The following EGR3 variants were observed in gnomAD, a reference collection of about 807,000 sequenced individuals.
The protein encoded by EGR3 is early growth response protein 3.
In EGR3, 4 loss-of-function variants were observed where a neutral mutation model predicts 22.4. The ratio of observed to expected loss-of-function variants is 0.18; its 90% CI spans 0.09 to 0.41. The LOEUF (loss-of-function observed/expected upper bound fraction) is 0.41. Among genes scored for constraint, EGR3 ranks in the 10% least tolerant of loss-of-function variants. EGR3 has a pLI of 1.00. For missense variants in EGR3, 315 were observed against 541.3 expected, an observed-to-expected ratio of 0.58 and a Z score of 4.15; for synonymous variants, 219 against 226.8, an observed-to-expected ratio of 0.97 and a Z score of 0.31.
rs1803926245 is a variant in EGR3 at position 22,690,824 on chromosome 8, G to C, written c.813C>G (p.His271Gln). 1.2e-6 allele frequency: 2 copies of C among 1,610,788 alleles called. No individual in the cohort carries two copies. The highest frequency in any genetic ancestry group is 1.7e-6 in the Non-Finnish European group (2 of 1,177,610). Residue 271 changes from histidine to glutamine, a missense_variant, in exon 2 of 2, where the codon CAC (histidine) becomes CAG (glutamine). By Grantham distance (24) the His-to-Gln change is conservative. Coordinates refer to ENST00000317216, the MANE Select transcript of EGR3 (RefSeq NM_004430.3). ...CGGCCGGGCACGCGTGGGGCCGTTC[G>C]TGGAGCGGTGTCTTGCTAGGCCGGT... ...YPNRPSKTPL[H>Q]ERPHACPAEG...
Position 22,690,332 on chromosome 8 carries a change from C to A in EGR3, c.*141G>T. Reference sequence around the variant, plus strand: ...GTGAAAGGTTGGGAACCGGGGGCATCGAAGGGGAAGCAAGGGGCCGCACGT... The same window carrying A: ...GTGAAAGGTTGGGAACCGGGGGCATAGAAGGGGAAGCAAGGGGCCGCACGT... On this transcript the variant is annotated 3_prime_UTR_variant, in exon 2 of 2. Coordinates refer to ENST00000317216, the MANE Select transcript of EGR3 (RefSeq NM_004430.3). The A allele has an allele frequency of 1.4e-6, 1 of 714,562 alleles. No individual in the cohort carries two copies. Among genetic ancestry groups the A allele is most frequent in the Non-Finnish European group, 2.3e-6 (1 of 442,776 alleles). The allele number at this position is 714,562 out of a possible 1,614,324, so 44.3% of individuals were successfully genotyped here. A position where few individuals can be genotyped will look rare whatever the true frequency, so the allele number is the denominator to read the frequency against.
Position 22,690,534 on chromosome 8 carries a change from G to T in EGR3, c.1103C>A (p.Ala368Glu). 1 of 1,613,310 alleles carries T rather than the reference G, an allele frequency of 6.2e-7. No homozygotes were observed. The highest frequency in any genetic ancestry group is 2.2e-5 in the East Asian group (1 of 44,882). ...GGGGGGCGCCGAGGATGCAGAGGGT[G>T]CACCGCCCTTCTCCGCCTTCTTCTC... ...QKEKKAEKGG[A>E]PSASSAPPVS... The change falls in exon 2 of 2, where the codon GCA becomes GAA. Residue 368 changes from alanine to glutamate, a missense_variant. Ala to Glu is a moderately radical substitution (Grantham distance 107). Coordinates refer to ENST00000317216, the MANE Select transcript of EGR3 (RefSeq NM_004430.3).
chr8:22,692,470 G>C lies in EGR3; in HGVS notation c.154+321C>G. ...GGCGATCGGGCCCCCTGCGTGGTGAGGGAGAACCCCAGAGCCGCTCGCACC... is the reference window on the plus strand; with the variant it reads ...GGCGATCGGGCCCCCTGCGTGGTGACGGAGAACCCCAGAGCCGCTCGCACC... On this transcript the variant is annotated intron_variant, in intron 1 of 1. Coordinates refer to ENST00000317216, the MANE Select transcript of EGR3 (RefSeq NM_004430.3). The surrounding 1 kb of genome is among the most constrained non-coding windows in gnomAD (Gnocchi z 6.2). The C allele has an allele frequency of 7.0e-7, 1 of 1,424,942 alleles. No individual in the cohort carries two copies. The highest frequency in any genetic ancestry group is 1.5e-5 in the South Asian group (1 of 66,654). The allele number at this position is 1,424,942 out of a possible 1,614,324, so 88.3% of individuals were successfully genotyped here.
chr8:22,692,914 C>T lies in EGR3; in HGVS notation c.31G>A (p.Val11Met), dbSNP rs748380866. 4.3e-6 allele frequency: 7 copies of T among 1,612,936 alleles called. No homozygotes were observed. The South Asian group carries it at 6.6e-5, about 15-fold the overall frequency. ...TGGTTTAGCAAACTGCTCATGGTCACCGGCAGCTTCTCGGCGAGTTTGCCG... is the reference window on the plus strand; with the variant it reads ...TGGTTTAGCAAACTGCTCATGGTCATCGGCAGCTTCTCGGCGAGTTTGCCG... MTGKLAEKLP[V>M]TMSSLLNQLP... Residue 11 changes from valine to methionine, a missense_variant, in exon 1 of 2, where the codon GTG (valine) becomes ATG (methionine). By Grantham distance (21) the Val-to-Met change is conservative. Transcript: ENST00000317216. The surrounding 1 kb of genome is among the most constrained non-coding windows in gnomAD (Gnocchi z 6.2).
intron 1 of EGR3, 119 bp from the exon 2 acceptor site, chr8:22,691,601 G>T: frequency 6.8e-7 from 1 of 1,464,942 alleles, no homozygotes; most frequent in Non-Finnish European, 9.1e-7. Context: ...GTAGCGCATG[G>T]GGTAAGAGGA....
chr8:22,691,603 G>T (rs1433109035), intron 1 of EGR3, 121 bp from the exon 2 acceptor site: 126 of 1,462,794 alleles, frequency 8.6e-5, no homozygotes, highest in Non-Finnish European at 1.1e-4. Context: ...AGCGCATGGG[G>T]TAAGAGGAAC....
rs1803902008 is a variant in EGR3 at position 22,690,359 on chromosome 8, C to T, written c.*114G>A. 1 of 849,988 alleles carries T rather than the reference C, an allele frequency of 1.2e-6. No homozygotes were observed. Among genetic ancestry groups the T allele is most frequent in the Non-Finnish European group, 1.8e-6 (1 of 561,808 alleles). 52.7% of individuals were successfully genotyped at this position (849,988 alleles called of 1,614,324 possible). On this transcript the variant is annotated 3_prime_UTR_variant, in exon 2 of 2. Transcript: ENST00000317216. ...AAGGGGAAGCAAGGGGCCGCACGTC[C>T]ATGGAGAGGCCAGGGCGCGGCCCCT...
chr8:22,691,478 A>T lies in EGR3; in HGVS notation c.159T>A (p.Asn53Lys). ...VVHYNQMATE[N>K]VMDIGLTNEK... ...CGTTGGTCAGACCGATGTCCATTAC[A>T]TTCTCTGCGGAGAGCGGGGGAGAGA... The change falls in exon 2 of 2, where the codon AAT (asparagine) becomes AAA (lysine). Residue 53 changes from asparagine to lysine, a missense_variant. Physicochemically the swap from Asn to Lys is moderately conservative, Grantham distance 94. Coordinates refer to ENST00000317216, the MANE Select transcript of EGR3 (RefSeq NM_004430.3). The T allele has an allele frequency of 6.2e-7, 1 of 1,613,578 alleles. No individual in the cohort carries two copies. Among genetic ancestry groups the T allele is most frequent in the Non-Finnish European group, 8.5e-7 (1 of 1,179,764 alleles).
At position 22,689,254 on chromosome 8, in the gene EGR3, T is replaced by G. The variant is rs879005714; in HGVS notation, c.*1219A>C. ...AGGAATACATATTGTGTGTATGTTA[T>G]GTATATGTACGCATGTGCATCTTTA... is the stretch of plus-strand genomic sequence containing the variant. On this transcript the variant is annotated 3_prime_UTR_variant, in exon 2 of 2. Transcript: ENST00000317216. 3.9e-5 allele frequency: 6 copies of G among 152,590 alleles called. No individual in the cohort carries two copies. The highest frequency in any genetic ancestry group is 2.1e-4 in the South Asian group (1 of 4,830). 9.5% of individuals were successfully genotyped at this position (152,590 alleles called of 1,614,324 possible). A position where few individuals can be genotyped will look rare whatever the true frequency, so the allele number is the denominator to read the frequency against.
Position 22,688,760 on chromosome 8 carries a change from TGCTGCAA to T in EGR3, c.*1706_*1712del. ...GGAACAGTACATTCAGTCAAGACCA[TGCTGCAA>T]GCTGTGGCAGAGAGCAACCTTCCCT... On this transcript the variant is annotated 3_prime_UTR_variant, in exon 2 of 2. Coordinates refer to ENST00000317216, the MANE Select transcript of EGR3 (RefSeq NM_004430.3). 6.5e-6 allele frequency: 1 copy of T among 152,692 alleles called. No individual in the cohort carries two copies. The highest frequency in any genetic ancestry group is 2.4e-5 in the African/African-American group (1 of 41,452). 9.5% of individuals were successfully genotyped at this position (152,692 alleles called of 1,614,324 possible).
chr8:22,692,357 G>A lies in EGR3; in HGVS notation c.154+434C>T, dbSNP rs1804000935. ...ATGGCTCCATCCCGGGTGGGAGGCT[G>A]AGGGAGTAAGGGGGGAGAGCGCGGG... is the stretch of plus-strand genomic sequence containing the variant. On this transcript the variant is annotated intron_variant, in intron 1 of 1. Transcript: ENST00000317216. This position sits in a 1 kb window ranked among gnomAD's most constrained non-coding sequence, Gnocchi z 6.2. 6.7e-7 allele frequency: 1 copy of A among 1,498,132 alleles called. No individual in the cohort carries two copies. Among genetic ancestry groups the A allele is most frequent in the African/African-American group, 1.4e-5 (1 of 71,162 alleles). The allele number at this position is 1,498,132 out of a possible 1,614,324, so 92.8% of individuals were successfully genotyped here.
rs560104388 is a variant in EGR3 at position 22,688,018 on chromosome 8, T to C, written c.*2455A>G. 6.6e-6 allele frequency: 1 copy of C among 152,636 alleles called. No homozygotes were observed. Among genetic ancestry groups the C allele is most frequent in the Non-Finnish European group, 1.5e-5 (1 of 68,046 alleles). The allele number at this position is 152,636 out of a possible 1,614,324, so 9.5% of individuals were successfully genotyped here. On this transcript the variant is annotated 3_prime_UTR_variant, in exon 2 of 2. Transcript: ENST00000317216. ...TTGTCTTTTTTCTAAGTACTCAACT[T>C]TATACAAAAGTCTTTCAAAAAATAT...
intron 1 of EGR3, chr8:22,691,953 G>C (rs764763626): frequency 7.6e-5 from 95 of 1,246,394 alleles, no homozygotes; most frequent in Non-Finnish European, 9.3e-5. Context: ...CGCTGCTCCC[G>C]GGTCGCCGAC....
chr8:22,693,243 GGGGCT>G lies in EGR3; in HGVS notation c.-304_-300del, dbSNP rs1167709529. The G allele has an allele frequency of 7.4e-6, 1 of 135,766 alleles. No individual in the cohort carries two copies. The highest frequency in any genetic ancestry group is 1.5e-5 in the Non-Finnish European group (1 of 64,566). 8.4% of individuals were successfully genotyped at this position (135,766 alleles called of 1,614,324 possible). A position where few individuals can be genotyped will look rare whatever the true frequency, so the allele number is the denominator to read the frequency against. ...TGGGGCGTGTGCGGGGGGTGGGGTG[GGGGCT>G]GGGCTGGGGGGGGATCTCGGCTCAA... is the stretch of plus-strand genomic sequence containing the variant. On this transcript the variant is annotated 5_prime_UTR_variant, in exon 1 of 2. Coordinates refer to ENST00000317216, the MANE Select transcript of EGR3 (RefSeq NM_004430.3).
chr8:22,692,976 C>G lies in EGR3; in HGVS notation c.-32G>C. The G allele has an allele frequency of 6.3e-7, 1 of 1,589,766 alleles. No homozygotes were observed. Among genetic ancestry groups the G allele is most frequent in the Non-Finnish European group, 8.5e-7 (1 of 1,172,096 alleles). ...CCCGAGCTGCCGCCGCCGCCGCCAC[C>G]GCCGCCACCGCCGCCGCTCGCTCCT... is the stretch of plus-strand genomic sequence containing the variant. On this transcript the variant is annotated 5_prime_UTR_variant, in exon 1 of 2. Coordinates refer to ENST00000317216, the MANE Select transcript of EGR3 (RefSeq NM_004430.3). The surrounding 1 kb of genome is among the most constrained non-coding windows in gnomAD (Gnocchi z 6.2).
rs1804018656 is a variant in EGR3 at position 22,692,864 on chromosome 8, C to G, written c.81G>C (p.Glu27Asp). Residue 27 changes from glutamate to aspartate, a missense_variant, in exon 1 of 2, where the codon GAG becomes GAC. Physicochemically the swap from Glu to Asp is conservative, Grantham distance 45. Around this residue, in one of 4 missense-constraint regions of EGR3, gnomAD observed 227 missense variants for 303.6 expected, o/e 0.75. Coordinates refer to ENST00000317216, the MANE Select transcript of EGR3 (RefSeq NM_004430.3). The surrounding 1 kb of genome is among the most constrained non-coding windows in gnomAD (Gnocchi z 6.2). ...AGAGGTTGAGCGCGCTGGGGATCTC[C>G]TCGGGGTACAGATTGTCAGGCAGTT... ...LNQLPDNLYP[E>D]EIPSALNLFS... is the part of the protein sequence containing the mutation. 1 of 1,613,282 alleles carries G rather than the reference C, an allele frequency of 6.2e-7. No individual in the cohort carries two copies. Among genetic ancestry groups the G allele is most frequent in the Admixed American group, 1.7e-5 (1 of 59,912 alleles).
chr8:22,693,072 A>G lies in EGR3; in HGVS notation c.-128T>C, dbSNP rs1585224126. ...CAGGGGAAAAGCATGCGAGAGGGAA[A>G]GTTCGGGGGGAGGGGGGAGGGAAGA... On this transcript the variant is annotated 5_prime_UTR_variant, in exon 1 of 2. Transcript: ENST00000317216. 23 of 146,890 alleles carry G rather than the reference A, an allele frequency of 1.6e-4. No homozygotes were observed. The highest frequency in any genetic ancestry group is 4.1e-4 in the South Asian group (6 of 14,680). 9.1% of individuals were successfully genotyped at this position (146,890 alleles called of 1,614,324 possible). A position where few individuals can be genotyped will look rare whatever the true frequency, so the allele number is the denominator to read the frequency against.
rs746321351 is a variant in EGR3, at chr8:22,690,428, C to T, written c.*45G>A. 4.0e-6 allele frequency: 6 copies of T among 1,509,086 alleles called. No individual in the cohort carries two copies. In the Admixed American group the frequency reaches 5.6e-5, roughly 14 times the overall value. The allele number at this position is 1,509,086 out of a possible 1,614,324, so 93.5% of individuals were successfully genotyped here. On this transcript the variant is annotated 3_prime_UTR_variant, in exon 2 of 2. Transcript: ENST00000317216. ...TTCCCGCTGCTTTCAGGCTAGCAGC[C>T]GGGAGGCACTGGAGGGGAAAAGTGG...
chr8:22,691,573 T>G (rs1224592361), intron 1 of EGR3, 91 bp from the exon 2 acceptor site: 2 of 1,525,104 alleles, frequency 1.3e-6, no homozygotes, highest in Non-Finnish European at 8.8e-7. Context: ...GTGCGGAGGG[T>G]GCGGCCGGGT....
Sources: gnomAD v4.1 joint callset for allele counts on GRCh38, gnomAD v4.1.1 for gene constraint, gnomAD v4.1.1 regional missense constraint, Gnocchi (gnomAD v3.1) non-coding constraint, MANE v1.5 for transcripts, NCBI Gene and HGNC (gene_info 2026-07-23, HGNC 2026-07-21) for gene names.